PRKAG2: variants seen among roughly 807,000 people sequenced by gnomAD.
PRKAG2 encodes the protein protein kinase AMP-activated non-catalytic subunit gamma 2, also known as 5'-AMP-activated protein kinase subunit gamma-2.
PRKAG2 carries 26 observed loss-of-function variants against 69.6 expected under a neutral mutation model. The observed-to-expected ratio is 0.37, with a 90% confidence interval of 0.27 to 0.52. The LOEUF (loss-of-function observed/expected upper bound fraction) is 0.52, where lower values mean the gene tolerates loss of function less well. PRKAG2 is among the 20% of genes least tolerant of loss of function. The probability of loss-of-function intolerance (pLI) is 0.90; values close to 1 mark genes in which losing one functional copy is unlikely to be tolerated. For missense variants in PRKAG2, 557 were observed against 740.0 expected (o/e 0.75, Z 2.87); for synonymous variants, 293 against 285.0 (o/e 1.03, Z -0.28).
At chr7:151,634,958 T>TC (rs1825488252) in intron 4 of PRKAG2, among the ~76,000 whole-genome samples, 2 of 112,006 alleles carry the variant, frequency 1.8e-5, no homozygotes, top group African/African-American at 7.5e-5. Context: ...TTTTTTTTTC[T>TC]TTTTTTTTTG....
At chr7:151,694,990 G>A (rs1176106932) in intron 3 of PRKAG2, among the ~76,000 whole-genome samples, 3 of 152,232 alleles carry the variant, frequency 2.0e-5, no homozygotes, top group Non-Finnish European at 1.5e-5. Context: ...ACAGGACTTG[G>A]GTCAGCAGGC....
rs1462494985 is a variant in PRKAG2, at chr7:151,877,032, C to T, written c.-412G>A. On this transcript the variant is annotated 5_prime_UTR_variant, in exon 1 of 16. Coordinates refer to ENST00000287878, the MANE Select transcript of PRKAG2 (RefSeq NM_016203.4). The stretch of plus-strand genomic sequence containing the variant: ...CAATTAAAACCAGCAATTTGGAAAA[C>T]AAGCCTCCTATGCCTGTGCCCAAGT... 6.3e-6 allele frequency: 2 copies of T among 317,018 alleles called. No homozygotes were observed. Among genetic ancestry groups the T allele is most frequent in the African/African-American group, 4.3e-5 (2 of 46,396 alleles). 19.6% of individuals were successfully genotyped at this position (317,018 alleles called of 1,614,324 possible).
intron 4 of PRKAG2, among the ~76,000 whole-genome samples, chr7:151,674,151 T>C (rs1408441089): frequency 6.6e-6 from 1 of 152,142 alleles, no homozygotes; most frequent in Admixed American, 6.5e-5. Flanking sequence ...CCTTGTATTC[T>C]TATAAGAAGG....
chr7:151,718,224 G>A (rs1016320721), intron 3 of PRKAG2, among the ~76,000 whole-genome samples: 2 of 152,094 alleles, frequency 1.3e-5, no homozygotes, highest in Non-Finnish European at 2.9e-5. Flanking sequence ...TTGGTTTCTG[G>A]TGAGGACCCT....
In PRKAG2 at chr7:151,620,927, C is replaced by T. The variant is rs192981931; in HGVS notation, c.754+11142G>A. On this transcript the variant is annotated intron_variant, in intron 5 of 15. Transcript: ENST00000287878. ...GCCTGGGATTACCCGATCCACCCAT[C>T]TTGACTTCCCAAAGGGCTGGGATTA... Among the ~76,000 whole-genome samples the T allele has an allele frequency of 9.3e-4, 142 of 152,100 alleles. 1 individual carries two copies. Among genetic ancestry groups the T allele is most frequent in the African/African-American group, 3.3e-3 (137 of 41,496 alleles).
At chr7:151,732,755 T>A (rs939485661) in intron 3 of PRKAG2, among the ~76,000 whole-genome samples, 1 of 152,118 alleles carries the variant, frequency 6.6e-6, no homozygotes, top group African/African-American at 2.4e-5. Flanking sequence ...TGCAATGGCA[T>A]AATCTTGGCT....
At chr7:151,643,955 AT>A (rs1827161537) in intron 4 of PRKAG2, among the ~76,000 whole-genome samples, 1 of 152,250 alleles carries the variant, frequency 6.6e-6, no homozygotes, top group South Asian at 2.1e-4. Flanking sequence ...ACTAGAGACT[AT>A]TATTCCAAGT....
rs2080405710 is a variant in PRKAG2 at position 151,876,394 on chromosome 7, T to C, written c.114+113A>G. ...TACCCTTTCCCCAAGCCGCCCGAAG[T>C]GACAGGAGGGGCACGCACGGCGCGC... On this transcript the variant is annotated intron_variant, in intron 1 of 15. Coordinates refer to ENST00000287878, the MANE Select transcript of PRKAG2 (RefSeq NM_016203.4). 13 of 1,059,666 alleles carry C rather than the reference T, an allele frequency of 1.2e-5. No individual in the cohort carries two copies. In the Admixed American group the frequency reaches 2.3e-4, roughly 18 times the overall value. The allele number at this position is 1,059,666 out of a possible 1,614,324, so 65.6% of individuals were successfully genotyped here. A position where few individuals can be genotyped will look rare whatever the true frequency, so the allele number is the denominator to read the frequency against.
In PRKAG2 at chr7:151,780,745, A is replaced by G. The variant is rs1435151737; in HGVS notation, c.466+407T>C. Among the ~76,000 whole-genome samples the G allele has an allele frequency of 1.3e-5, 2 of 152,216 alleles. No homozygotes were observed. Among genetic ancestry groups the G allele is most frequent in the Non-Finnish European group, 2.9e-5 (2 of 68,044 alleles). On this transcript the variant is annotated intron_variant, in intron 3 of 15. Transcript: ENST00000287878. The surrounding 1 kb of genome is among the most constrained non-coding windows in gnomAD (Gnocchi z 4.2). ...TACCAAACCACAGAGAGTGGAAGCC[A>G]TATCAGGCTGACCAAAGCAGTATGG...
intron 1 of PRKAG2, among the ~76,000 whole-genome samples, chr7:151,816,703 G>A (rs925765355): frequency 6.6e-6 from 1 of 152,204 alleles, no homozygotes; most frequent in Middle Eastern, 3.2e-3. Context: ...CCAGCCCCCC[G>A]GGCACCGATG....
chr7:151,818,708 C>G (rs1206847999), intron 1 of PRKAG2, among the ~76,000 whole-genome samples: 3 of 152,258 alleles, frequency 2.0e-5, no homozygotes, highest in Non-Finnish European at 4.4e-5. Flanking sequence ...AAGAGGGAAC[C>G]CCCTGGGCTC....
chr7:151,814,657 G>T lies in PRKAG2; in HGVS notation c.115-28116C>A. On this transcript the variant is annotated intron_variant, in intron 1 of 15. Transcript: ENST00000287878. The surrounding 1 kb of genome is among the most constrained non-coding windows in gnomAD (Gnocchi z 4.8). ...GCCACTGCATGTCTGCAACAGATGG[G>T]GACCGGGGCTGGGTGTGTTCCCAGT... 1 of 1,231,836 alleles carries T rather than the reference G, an allele frequency of 8.1e-7. No individual in the cohort carries two copies. Among genetic ancestry groups the T allele is most frequent in the Non-Finnish European group, 1.0e-6 (1 of 988,018 alleles). 76.3% of individuals were successfully genotyped at this position (1,231,836 alleles called of 1,614,324 possible).
At chr7:151,765,574 T>G (rs2075692168) in intron 3 of PRKAG2, among the ~76,000 whole-genome samples, 1 of 152,140 alleles carries the variant, frequency 6.6e-6, no homozygotes, top group Admixed American at 6.5e-5. Context: ...GCTCCCTGGG[T>G]CTCCGTCATC....
At position 151,788,386 on chromosome 7, in the gene PRKAG2, G is replaced by T. The variant is rs1193544620; in HGVS notation, c.115-1845C>A. 6.6e-6 allele frequency among the ~76,000 whole-genome samples: 1 copy of T among 152,056 alleles called. No homozygotes were observed. The highest frequency in any genetic ancestry group is 1.5e-5 in the Non-Finnish European group (1 of 68,014). Reference sequence around the variant, plus strand: ...TTGAATATCTTTTCATCTGCTTATCGGCCACTTGTCTATCATCTTTGGAGA... The same window carrying T: ...TTGAATATCTTTTCATCTGCTTATCTGCCACTTGTCTATCATCTTTGGAGA... On this transcript the variant is annotated intron_variant, in intron 1 of 15. Transcript: ENST00000287878. The surrounding 1 kb of genome is among the most constrained non-coding windows in gnomAD (Gnocchi z 4.6).
intron 3 of PRKAG2, among the ~76,000 whole-genome samples, chr7:151,728,105 G>A (rs1353142514): frequency 6.6e-6 from 1 of 152,080 alleles, no homozygotes; most frequent in African/African-American, 2.4e-5. Context: ...GAGGGGAGAC[G>A]CCACCTCCTG....
intron 3 of PRKAG2, among the ~76,000 whole-genome samples, chr7:151,714,846 A>G (rs4726085): frequency 0.34 from 51,140 of 150,854 alleles, 9,841 homozygotes; most frequent in East Asian, 0.82. Flanking sequence ...GCTACTCGGG[A>G]GGCTGAGGCA....
At position 151,831,197 on chromosome 7, in the gene PRKAG2, T is replaced by C. The variant is rs571180103; in HGVS notation, c.115-44656A>G. Among the ~76,000 whole-genome samples, 13 of 152,278 alleles carry C rather than the reference T, an allele frequency of 8.5e-5. No individual in the cohort carries two copies. In the East Asian group the frequency reaches 2.3e-3, roughly 27 times the overall value. On this transcript the variant is annotated intron_variant, in intron 1 of 15. Coordinates refer to ENST00000287878, the MANE Select transcript of PRKAG2 (RefSeq NM_016203.4). ...GCCTGGCAGTGCCTCAGAAGTTAAA[T>C]ATAAAGTCACAATATGACCCAGCAA...
At chr7:151,794,051 G>T (rs1290638894) in intron 1 of PRKAG2, among the ~76,000 whole-genome samples, 4 of 152,060 alleles carry the variant, frequency 2.6e-5, no homozygotes, top group African/African-American at 4.8e-5. Context: ...TCACTCCTAT[G>T]GCCACCCTTC....
At chr7:151,648,344 C>T (rs1481766081) in intron 4 of PRKAG2, among the ~76,000 whole-genome samples, 1 of 152,152 alleles carries the variant, frequency 6.6e-6, no homozygotes, top group Non-Finnish European at 1.5e-5. Context: ...ACAAAAATGT[C>T]GCTATGAAAA....
Sources: gnomAD v4.1 joint callset for allele counts (sites outside exome capture counted in the v4.1 genomes callset) on GRCh38, gnomAD v4.1.1 for gene constraint, Gnocchi (gnomAD v3.1) non-coding constraint, MANE v1.5 for transcripts, NCBI Gene and HGNC (gene_info 2026-07-23, HGNC 2026-07-21) for gene names.